CSMD1: variants seen among roughly 807,000 people sequenced by gnomAD.
CSMD1 encodes CUB and Sushi multiple domains 1, also known as CUB and sushi domain-containing protein 1.
CSMD1 carries 213 observed loss-of-function variants against 417.5 expected under a neutral mutation model. The observed-to-expected ratio is 0.51, with a 90% CI of 0.46 to 0.57. The LOEUF (loss-of-function observed/expected upper bound fraction) is 0.57. CSMD1 is among the 20% of genes least tolerant of loss of function. The pLI is 0.00. For missense variants in CSMD1, 6,923 were observed against 4,529.7 expected (o/e 1.53, Z -15.17); for synonymous variants, 2,862 against 1,736.8 (o/e 1.65, Z -16.11).
chr8:3,150,586 A>G (rs989159320), intron 40 of CSMD1, among the ~76,000 whole-genome samples: 2 of 152,186 alleles, frequency 1.3e-5, no homozygotes, highest in Non-Finnish European at 2.9e-5. Flanking sequence ...GTATTCATTC[A>G]TTCATTCATT....
intron 1 of CSMD1, among the ~76,000 whole-genome samples, chr8:4,670,296 T>A (rs2130944939): frequency 6.6e-6 from 1 of 152,298 alleles, no homozygotes; most frequent in South Asian, 2.1e-4. Flanking sequence ...TTTTGATGGT[T>A]TTTGTGGCCT....
intron 3 of CSMD1, among the ~76,000 whole-genome samples, chr8:4,075,466 C>A (rs1253986371): frequency 6.6e-6 from 1 of 152,042 alleles, no homozygotes; most frequent in Non-Finnish European, 1.5e-5. Flanking sequence ...CTGTCCAAAT[C>A]TCTTGTTACA....
chr8:4,030,336 T>C (rs1022795179), intron 4 of CSMD1, among the ~76,000 whole-genome samples: 1 of 152,252 alleles, frequency 6.6e-6, no homozygotes, highest in Admixed American at 6.5e-5. Context: ...GGAATTTCTA[T>C]ACTTCCTCTG....
At chr8:3,080,465 A>G (rs1271885804) in intron 49 of CSMD1, among the ~76,000 whole-genome samples, 1 of 152,216 alleles carries the variant, frequency 6.6e-6, no homozygotes, top group African/African-American at 2.4e-5. Flanking sequence ...AACAACCTGG[A>G]GTTCCCTGAA....
intron 1 of CSMD1, among the ~76,000 whole-genome samples, chr8:4,741,588 G>T (rs1034026055): frequency 6.6e-6 from 1 of 152,250 alleles, no homozygotes; most frequent in Non-Finnish European, 1.5e-5. Flanking sequence ...CATGTGTCTC[G>T]AGGCTTGGAC....
chr8:3,820,468 C>G (rs969276563), intron 5 of CSMD1, among the ~76,000 whole-genome samples: 4 of 152,196 alleles, frequency 2.6e-5, no homozygotes, highest in African/African-American at 7.2e-5. Flanking sequence ...AACTTGATAC[C>G]TTGTCCCACT....
chr8:3,028,010 T>C (rs1810069680), intron 51 of CSMD1, among the ~76,000 whole-genome samples: 1 of 152,196 alleles, frequency 6.6e-6, no homozygotes, highest in Admixed American at 6.5e-5. Context: ...AAATACCATT[T>C]GGCACGGCCC....
intron 3 of CSMD1, among the ~76,000 whole-genome samples, chr8:4,271,507 C>T (rs1328649591): frequency 1.3e-5 from 2 of 151,616 alleles, no homozygotes; most frequent in Non-Finnish European, 2.9e-5. Flanking sequence ...GCATCAAAAT[C>T]AGGAGATCTA....
At chr8:4,455,441 G>C (rs1428236277) in intron 2 of CSMD1, among the ~76,000 whole-genome samples, 1 of 152,114 alleles carries the variant, frequency 6.6e-6, no homozygotes, top group Non-Finnish European at 1.5e-5. Flanking sequence ...ATGGAGAAAT[G>C]ATACAAGCAC....
At chr8:3,478,989 C>G (rs75345149) in intron 11 of CSMD1, among the ~76,000 whole-genome samples, 1 of 151,990 alleles carries the variant, frequency 6.6e-6, no homozygotes, top group African/African-American at 2.4e-5. Flanking sequence ...CCTCCCTCAT[C>G]GCCTCACCAA....
intron 1 of CSMD1, among the ~76,000 whole-genome samples, chr8:4,727,650 C>A (rs946244129): frequency 6.6e-5 from 10 of 152,064 alleles, no homozygotes; most frequent in African/African-American, 2.4e-4. Flanking sequence ...CACTTGAAAT[C>A]CACGGGGACC....
chr8:3,080,172 GCT>G (rs921214344), intron 49 of CSMD1, among the ~76,000 whole-genome samples: 1 of 152,206 alleles, frequency 6.6e-6, no homozygotes, highest in Non-Finnish European at 1.5e-5. Context: ...CCTGGGAGTT[GCT>G]CTCTCTTTGA....
At chr8:4,288,597 G>C (rs775607629) in intron 3 of CSMD1, among the ~76,000 whole-genome samples, 1 of 152,168 alleles carries the variant, frequency 6.6e-6, no homozygotes, top group African/African-American at 2.4e-5. Context: ...CATGCAGCTG[G>C]AGTTCCTGCC....
At chr8:3,097,560 G>T (rs1815404375) in intron 46 of CSMD1, among the ~76,000 whole-genome samples, 1 of 152,188 alleles carries the variant, frequency 6.6e-6, no homozygotes, top group Admixed American at 6.5e-5. Flanking sequence ...ACATCATACA[G>T]GGCAATGGAT....
rs1429894001 is a variant in CSMD1 at position 4,339,662 on chromosome 8, T to C, written c.415+80291A>G. On this transcript the variant is annotated intron_variant, in intron 3 of 69. Transcript: ENST00000635120. Reference sequence around the variant, plus strand: ...AACATTCATCAGATGATTCAATATGTTATGTTTGGATGGCCAAACAGTTTC... The same window carrying C: ...AACATTCATCAGATGATTCAATATGCTATGTTTGGATGGCCAAACAGTTTC... 3.3e-5 allele frequency among the ~76,000 whole-genome samples: 5 copies of C among 152,120 alleles called. 1 individual carries two copies. In the South Asian group the frequency reaches 6.2e-4, roughly 19 times the overall value.
chr8:4,667,612 G>A (rs1349470552), intron 1 of CSMD1, among the ~76,000 whole-genome samples: 1 of 151,668 alleles, frequency 6.6e-6, no homozygotes, highest in Non-Finnish European at 1.5e-5. Flanking sequence ...TTTATGTATT[G>A]GAACGCTATT....
chr8:3,333,730 A>G (rs891415746), intron 23 of CSMD1, among the ~76,000 whole-genome samples: 1 of 152,170 alleles, frequency 6.6e-6, no homozygotes, highest in Non-Finnish European at 1.5e-5. Flanking sequence ...GTTGTGAATA[A>G]TTTTTAAAAC....
chr8:2,971,293 ACT>A (rs1174025986), intron 57 of CSMD1, among the ~76,000 whole-genome samples: 1 of 151,866 alleles, frequency 6.6e-6, no homozygotes, highest in East Asian at 1.9e-4. Context: ...GCCTCTCATA[ACT>A]CTCTTTTGCT....
At chr8:3,423,417 G>A (rs1813621574) in intron 12 of CSMD1, among the ~76,000 whole-genome samples, 1 of 152,096 alleles carries the variant, frequency 6.6e-6, no homozygotes, top group African/African-American at 2.4e-5. Context: ...CATATAAATG[G>A]AATCATAGGG....
Sources: allele counts gnomAD v4.1 joint callset (sites outside exome capture counted in the v4.1 genomes callset), GRCh38; gene constraint gnomAD v4.1.1; transcripts MANE v1.5; gene names NCBI Gene and HGNC (gene_info 2026-07-23, HGNC 2026-07-21).